The following NLGN1 variants were observed in gnomAD, a reference collection of about 807,000 sequenced individuals.
The protein encoded by NLGN1 is neuroligin-1.
In NLGN1, 12 loss-of-function variants were observed where a neutral mutation model predicts 65.5. The ratio of observed to expected loss-of-function variants is 0.18; its 90% CI spans 0.12 to 0.30. NLGN1 has a LOEUF of 0.30. Ranked by LOEUF, NLGN1 falls within the 10% of genes least tolerant of loss-of-function variation. NLGN1 has a pLI of 1.00. For synonymous variants in NLGN1, 350 were observed against 359.5 expected, an observed-to-expected ratio of 0.97 and a Z score of 0.30; for missense variants, 750 against 1,007.1, an observed-to-expected ratio of 0.74 and a Z score of 3.46.
chr3:173,497,646 T>C (rs1003660645), intron 2 of NLGN1, among the ~76,000 whole-genome samples: 5 of 151,696 alleles, frequency 3.3e-5, no homozygotes, highest in Non-Finnish European at 7.4e-5. Flanking sequence ...TCAAATCAAT[T>C]CCTGCATTTG....
intron 5 of NLGN1, among the ~76,000 whole-genome samples, chr3:174,275,892 A>G (rs1750459698): frequency 6.6e-6 from 1 of 151,838 alleles, no homozygotes; most frequent in Non-Finnish European, 1.5e-5. Flanking sequence ...ACATGCAGGG[A>G]TTGTATATAA....
At chr3:174,025,121 T>G (rs752394258) in intron 4 of NLGN1, among the ~76,000 whole-genome samples, 4 of 152,202 alleles carry the variant, frequency 2.6e-5, no homozygotes, top group Non-Finnish European at 4.4e-5. Flanking sequence ...TAACTGCATT[T>G]TTCATTTCTA....
chr3:173,419,711 C>T (rs1449518286), intron 1 of NLGN1, among the ~76,000 whole-genome samples: 1 of 152,104 alleles, frequency 6.6e-6, no homozygotes, highest in Non-Finnish European at 1.5e-5. Flanking sequence ...TGGCTCATGC[C>T]TGTAATCCCA....
At chr3:173,972,655 C>G (rs1716529661) in intron 4 of NLGN1, among the ~76,000 whole-genome samples, 1 of 152,046 alleles carries the variant, frequency 6.6e-6, no homozygotes, top group Non-Finnish European at 1.5e-5. Context: ...AGAAATTTGA[C>G]TTGATGAGCC....
chr3:174,099,844 A>G lies in NLGN1; in HGVS notation c.647-175471A>G, dbSNP rs531971838. Among the ~76,000 whole-genome samples, 4 of 152,272 alleles carry G rather than the reference A, an allele frequency of 2.6e-5. No individual in the cohort carries two copies. The South Asian group carries it at 8.3e-4, about 32-fold the overall frequency. Reference sequence around the variant, plus strand: ...AGAGATAAACTGTGAAAATACCTGTAGAGTTCATTCTCAAGGCAATAGAGT... The same window carrying G: ...AGAGATAAACTGTGAAAATACCTGTGGAGTTCATTCTCAAGGCAATAGAGT... On this transcript the variant is annotated intron_variant, in intron 4 of 6. Coordinates refer to ENST00000457714, the Ensembl canonical transcript of NLGN1.
At chr3:173,988,509 G>A (rs983686154) in intron 4 of NLGN1, among the ~76,000 whole-genome samples, 2 of 152,142 alleles carry the variant, frequency 1.3e-5, no homozygotes, top group African/African-American at 4.8e-5. Flanking sequence ...CATGAAGGAA[G>A]ATAGCAGGTT....
chr3:174,272,951 A>G (rs1174142735), intron 4 of NLGN1, among the ~76,000 whole-genome samples: 1 of 151,506 alleles, frequency 6.6e-6, no homozygotes, highest in Non-Finnish European at 1.5e-5. Context: ...TGAATATATT[A>G]CAAGACTTCT....
At chr3:174,035,080 C>A (rs1433299580) in intron 4 of NLGN1, among the ~76,000 whole-genome samples, 1 of 152,114 alleles carries the variant, frequency 6.6e-6, no homozygotes, top group African/African-American at 2.4e-5. Context: ...ACATAAAAAG[C>A]ACCTGCTCTG....
At chr3:174,132,643 A>G (rs544067756) in intron 4 of NLGN1, among the ~76,000 whole-genome samples, 1 of 152,318 alleles carries the variant, frequency 6.6e-6, no homozygotes, top group Admixed American at 6.5e-5. Flanking sequence ...CGTGGGCTTA[A>G]GAGTGTTCAA....
intron 2 of NLGN1, among the ~76,000 whole-genome samples, chr3:173,484,243 T>G (rs1727785309): frequency 6.6e-6 from 1 of 152,054 alleles, no homozygotes; most frequent in African/African-American, 2.4e-5. Context: ...CCACCTATAT[T>G]GAAAAATACA....
rs759920861 is a variant in NLGN1 at position 174,280,606 on chromosome 3, C to T, written c.1775C>T (p.Pro592Leu). ...CTTTATCTCCATATTGGATTAAAAC[C>T]AAGAGTTAAAGAACATTACAGAGCC... The change falls in exon 7 of 7, where the codon CCA (proline) becomes CTA (leucine). Residue 592 changes from proline (P) to leucine (L), a missense_variant. Pro to Leu is a moderately conservative substitution (Grantham distance 98). Coordinates refer to ENST00000457714, the Ensembl canonical transcript of NLGN1. The surrounding 1 kb of genome is among the most constrained non-coding windows in gnomAD (Gnocchi z 4.9). The T allele has an allele frequency of 6.2e-7, 1 of 1,613,088 alleles. No homozygotes were observed. Among genetic ancestry groups the T allele is most frequent in the South Asian group, 1.1e-5 (1 of 91,072 alleles).
chr3:173,507,398 G>T (rs1190653213), intron 2 of NLGN1, among the ~76,000 whole-genome samples: 1 of 152,024 alleles, frequency 6.6e-6, no homozygotes, highest in Non-Finnish European at 1.5e-5. Flanking sequence ...TTCTTAACTG[G>T]ATTGTTTTGT....
At chr3:174,200,455 C>A (rs1407217897) in intron 4 of NLGN1, among the ~76,000 whole-genome samples, 2 of 152,124 alleles carry the variant, frequency 1.3e-5, no homozygotes, top group Non-Finnish European at 1.5e-5. Flanking sequence ...AAACTAAGTT[C>A]TTACTGTGCA....
At chr3:173,918,328 C>T (rs1447237333) in intron 4 of NLGN1, among the ~76,000 whole-genome samples, 3 of 151,988 alleles carry the variant, frequency 2.0e-5, no homozygotes, top group African/African-American at 7.3e-5. Context: ...AGGTATCAAA[C>T]ACCGGAATTT....
chr3:173,802,693 A>G (rs1715694813), intron 3 of NLGN1, among the ~76,000 whole-genome samples: 1 of 152,198 alleles, frequency 6.6e-6, no homozygotes, highest in Admixed American at 6.5e-5. Context: ...TACATCAGTC[A>G]GAAGTCAGGT....
chr3:174,013,012 A>G (rs931334069), intron 4 of NLGN1, among the ~76,000 whole-genome samples: 1 of 152,192 alleles, frequency 6.6e-6, no homozygotes, highest in Admixed American at 6.5e-5. Context: ...GGACAGTAAC[A>G]TCATCAAAAT....
At chr3:173,693,488 GTATT>G (rs1765763356) in intron 3 of NLGN1, among the ~76,000 whole-genome samples, 1 of 151,968 alleles carries the variant, frequency 6.6e-6, no homozygotes, top group Non-Finnish European at 1.5e-5. Context: ...TATTAATAGA[GTATT>G]TATAAATTAA....
chr3:173,906,081 A>G (rs929091349), intron 4 of NLGN1, among the ~76,000 whole-genome samples: 12 of 152,224 alleles, frequency 7.9e-5, no homozygotes, highest in African/African-American at 2.9e-4. Context: ...GGGAAAGAGA[A>G]CCACTATTTA....
At chr3:173,570,184 G>A (rs534284685) in intron 2 of NLGN1, among the ~76,000 whole-genome samples, 1 of 152,300 alleles carries the variant, frequency 6.6e-6, no homozygotes, top group African/African-American at 2.4e-5. Context: ...GCTGACTAAA[G>A]TAAGAATTGA....
Sources: allele counts gnomAD v4.1 joint callset (sites outside exome capture counted in the v4.1 genomes callset), GRCh38; gene constraint gnomAD v4.1.1; non-coding constraint Gnocchi (gnomAD v3.1); transcripts MANE v1.5; gene names NCBI Gene and HGNC (gene_info 2026-07-23, HGNC 2026-07-21).